The following GRM3 variants were observed in gnomAD, a reference collection of about 807,000 sequenced individuals.
GRM3 encodes glutamate metabotropic receptor 3.
In GRM3, 26 loss-of-function variants were observed where a neutral mutation model predicts 70.5. The observed-to-expected ratio is 0.37, with a 90% CI of 0.27 to 0.51. The LOEUF (loss-of-function observed/expected upper bound fraction) is 0.51. Among genes scored for constraint, GRM3 ranks in the 20% least tolerant of loss-of-function variants. The probability of loss-of-function intolerance (pLI) is 0.93; values close to 1 mark genes in which losing one functional copy is unlikely to be tolerated. For missense variants in GRM3, 859 were observed against 1,123.8 expected (o/e 0.76, Z 3.37); for synonymous variants, 443 against 434.9 (o/e 1.02, Z -0.23).
At chr7:86,650,098 T>G (rs1290950534) in intron 1 of GRM3, among the ~76,000 whole-genome samples, 2 of 152,118 alleles carry the variant, frequency 1.3e-5, no homozygotes, top group East Asian at 3.8e-4. Context: ...AAACTAATAA[T>G]AAGTCAAAAT....
chr7:86,653,191 C>T (rs1402901884), intron 1 of GRM3, among the ~76,000 whole-genome samples: 2 of 152,156 alleles, frequency 1.3e-5, no homozygotes, highest in African/African-American at 4.8e-5. Flanking sequence ...GGCTCTCCTC[C>T]TCTTATAAAT....
chr7:86,829,830 A>C (rs1798315093), intron 3 of GRM3, among the ~76,000 whole-genome samples: 1 of 152,230 alleles, frequency 6.6e-6, no homozygotes, highest in Admixed American at 6.5e-5. Context: ...AGTGACACAG[A>C]CACATGAAGT....
At chr7:86,794,867 TTC>T (rs1797510737) in intron 3 of GRM3, among the ~76,000 whole-genome samples, 1 of 148,740 alleles carries the variant, frequency 6.7e-6, no homozygotes, top group African/African-American at 2.5e-5. Flanking sequence ...AAAGATTTCA[TTC>T]TCTTTTGTCT....
chr7:86,647,926 G>C lies in GRM3; in HGVS notation c.-141+3054G>C, dbSNP rs558278422. 2.6e-5 allele frequency among the ~76,000 whole-genome samples: 4 copies of C among 152,188 alleles called. No homozygotes were observed. The East Asian group carries it at 5.8e-4, about 22-fold the overall frequency. On this transcript the variant is annotated intron_variant, in intron 1 of 5. Transcript: ENST00000361669. ...TTTGAAAGACTATTTCAGTCTAATGGTTCTCCCTATTAAGAACTTTGTTGT... is the reference window on the plus strand; with the variant it reads ...TTTGAAAGACTATTTCAGTCTAATGCTTCTCCCTATTAAGAACTTTGTTGT...
intron 1 of GRM3, among the ~76,000 whole-genome samples, chr7:86,701,189 T>G (rs1203531740): frequency 6.6e-6 from 1 of 151,862 alleles, no homozygotes; most frequent in African/African-American, 2.4e-5. Flanking sequence ...AACCGAAGAA[T>G]ATTTTATTAC....
At chr7:86,670,540 A>G (rs1297665267) in intron 1 of GRM3, among the ~76,000 whole-genome samples, 1 of 152,198 alleles carries the variant, frequency 6.6e-6, no homozygotes, top group African/African-American at 2.4e-5. Context: ...CCATTTCCAA[A>G]TGGCATTTTG....
chr7:86,832,888 C>G (rs1798382601), intron 3 of GRM3: 1 of 261,902 alleles, frequency 3.8e-6, no homozygotes, highest in Non-Finnish European at 5.9e-6. Flanking sequence ...ACATCCGACT[C>G]CTTCTGAAAG....
At chr7:86,645,931 T>C (rs908203398) in intron 1 of GRM3, among the ~76,000 whole-genome samples, 6 of 144,518 alleles carry the variant, frequency 4.2e-5, no homozygotes, top group African/African-American at 1.5e-4. Context: ...GTTTCTTTGC[T>C]TGAATTTCTT....
chr7:86,673,757 G>T (rs535061453), intron 1 of GRM3, among the ~76,000 whole-genome samples: 22 of 151,954 alleles, frequency 1.4e-4, no homozygotes, highest in Non-Finnish European at 2.2e-4. Flanking sequence ...TCTCTAATAC[G>T]CTCCTCCTTT....
intron 1 of GRM3, among the ~76,000 whole-genome samples, chr7:86,725,459 G>A (rs1795570009): frequency 6.6e-6 from 1 of 152,060 alleles, no homozygotes; most frequent in Admixed American, 6.6e-5. Context: ...AATGACAGGC[G>A]GAGGCTGCAT....
chr7:86,838,840 T>C lies in GRM3; in HGVS notation c.1326T>C (p.Ala442=). Residue 442 remains alanine, a splice_region_variant and synonymous_variant, in exon 4 of 6, where the codon GCT becomes GCC. Coordinates refer to ENST00000361669, the MANE Select transcript of GRM3 (RefSeq NM_000840.3). ...TTTCTTTCACTTTACATATCACAGCTCCATTCAACCCAAATAAAGATGCAG... is the reference window on the plus strand; with the variant it reads ...TTTCTTTCACTTTACATATCACAGCCCCATTCAACCCAAATAAAGATGCAG... ...KDYLLKINFT[A]PFNPNKDADS... 1 of 1,583,044 alleles carries C rather than the reference T, an allele frequency of 6.3e-7. No individual in the cohort carries two copies. The highest frequency in any genetic ancestry group is 8.7e-7 in the Non-Finnish European group (1 of 1,156,068).
intron 1 of GRM3, among the ~76,000 whole-genome samples, chr7:86,650,415 T>C (rs2115768778): frequency 6.6e-6 from 1 of 152,214 alleles, no homozygotes; most frequent in South Asian, 2.1e-4. Context: ...CAACAAGTGT[T>C]TTCTGAGCTC....
At chr7:86,681,891 T>C (rs752936338) in intron 1 of GRM3, among the ~76,000 whole-genome samples, 73 of 152,210 alleles carry the variant, frequency 4.8e-4, no homozygotes, top group Non-Finnish European at 9.4e-4. Context: ...TCTTGTGATA[T>C]GTGGGTGGTG....
chr7:86,857,293 T>C (rs1215947669), intron 5 of GRM3, among the ~76,000 whole-genome samples: 1 of 152,074 alleles, frequency 6.6e-6, no homozygotes, highest in Non-Finnish European at 1.5e-5. Flanking sequence ...TAGGTTTGAA[T>C]GTGGCTAGAG....
intron 1 of GRM3, among the ~76,000 whole-genome samples, chr7:86,736,569 A>G (rs929858528): frequency 1.3e-5 from 2 of 152,172 alleles, no homozygotes; most frequent in Non-Finnish European, 2.9e-5. Flanking sequence ...GCAATTCTTC[A>G]GGCATAATCC....
chr7:86,696,876 A>C (rs1584173214), intron 1 of GRM3, among the ~76,000 whole-genome samples: 1 of 152,214 alleles, frequency 6.6e-6, no homozygotes, highest in East Asian at 1.9e-4. Context: ...ATTCCAACCC[A>C]AAACTATCTG....
intron 1 of GRM3, among the ~76,000 whole-genome samples, chr7:86,666,522 C>T (rs1375675699): frequency 6.6e-6 from 1 of 151,910 alleles, no homozygotes; most frequent in Non-Finnish European, 1.5e-5. Context: ...AGTAGCTATC[C>T]CTCTCTGGAA....
At chr7:86,651,683 G>A (rs1198909146) in intron 1 of GRM3, among the ~76,000 whole-genome samples, 1 of 151,966 alleles carries the variant, frequency 6.6e-6, no homozygotes, top group East Asian at 1.9e-4. Context: ...TACTATATTG[G>A]TCACTACTAC....
intron 1 of GRM3, among the ~76,000 whole-genome samples, chr7:86,747,944 G>T (rs58139847): frequency 1.1e-4 from 17 of 151,988 alleles, no homozygotes; most frequent in Admixed American, 2.0e-4. Flanking sequence ...TAACGTTTGC[G>T]CAGGGAACAG....
Sources: allele counts gnomAD v4.1 joint callset (sites outside exome capture counted in the v4.1 genomes callset), GRCh38; gene constraint gnomAD v4.1.1; transcripts MANE v1.5; gene names NCBI Gene and HGNC (gene_info 2026-07-23, HGNC 2026-07-21).